Variants in UNC13C observed in about 807,000 individuals in gnomAD.
UNC13C encodes protein unc-13 homolog C.
A neutral mutation model predicts 245.4 loss-of-function variants in UNC13C; 174 were observed. That is an observed-to-expected ratio of 0.71 (90% CI 0.63 to 0.80). The LOEUF (loss-of-function observed/expected upper bound fraction) is 0.80. Ranked by LOEUF, UNC13C falls within the 30% of genes least tolerant of loss-of-function variation. UNC13C has a pLI of 0.00. For synonymous variants in UNC13C, 992 were observed against 895.1 expected (o/e 1.11, Z -1.93); for missense variants, 2,829 against 2,602.9 (o/e 1.09, Z -1.89).
At chr15:53,848,922 T>C in the UNC13C span, among the ~76,000 whole-genome samples, 1 of 152,066 alleles carries the variant, frequency 6.6e-6, no homozygotes, top group Non-Finnish European at 1.5e-5. Context: ...TTCTTGTTAT[T>C]AAGACTCTCT....
At chr15:54,332,518 C>T (rs1228654646) in intron 15 of UNC13C, among the ~76,000 whole-genome samples, 2 of 151,970 alleles carry the variant, frequency 1.3e-5, no homozygotes, top group African/African-American at 2.4e-5. Context: ...TAATTTACTG[C>T]TTCATTCTCT....
intron 4 of UNC13C, among the ~76,000 whole-genome samples, chr15:54,163,210 G>A (rs2033041987): frequency 6.6e-6 from 1 of 152,182 alleles, no homozygotes; most frequent in African/African-American, 2.4e-5. Context: ...CAGTTTCAGA[G>A]AAGATGTGAT....
At chr15:53,997,839 G>A (rs1167384098) in intron 1 of UNC13C, among the ~76,000 whole-genome samples, 1 of 151,816 alleles carries the variant, frequency 6.6e-6, no homozygotes, top group Non-Finnish European at 1.5e-5. Context: ...ATCTCACTCT[G>A]TTGCCCAGGC....
At chr15:53,883,371 C>T in the UNC13C span, among the ~76,000 whole-genome samples, 147,735 of 152,274 alleles carry the variant, frequency 0.97, 71,801 homozygotes, top group Middle Eastern at 1. Context: ...GTATCAGCCA[C>T]AGCCCTGGAA....
the UNC13C span, among the ~76,000 whole-genome samples, chr15:53,841,645 G>A: frequency 6.6e-6 from 1 of 152,154 alleles, no homozygotes; most frequent in African/African-American, 2.4e-5. Context: ...GGTAGCTGAG[G>A]AATAGAAAGT....
intron 2 of UNC13C, among the ~76,000 whole-genome samples, chr15:54,061,024 G>A (rs1048484235): frequency 6.6e-6 from 1 of 152,082 alleles, no homozygotes. Context: ...GCTAAATGAC[G>A]AGTTAATGGG....
At chr15:54,064,598 G>A (rs911683095) in intron 2 of UNC13C, among the ~76,000 whole-genome samples, 11 of 152,140 alleles carry the variant, frequency 7.2e-5, no homozygotes, top group Non-Finnish European at 1.6e-4. Flanking sequence ...TAATTAAATG[G>A]ACATATTCCA....
Position 54,195,024 on chromosome 15 carries a change from A to AT in UNC13C, c.3072-40004dup, listed in dbSNP as rs140360465. The stretch of plus-strand genomic sequence containing the variant: ...CCTCCTGGCATTCCACGAATAGAAT[A>AT]TTGAGTTGGGTTAGCTTTTCAGGAT... On this transcript the variant is annotated intron_variant, in intron 4 of 32. Transcript: ENST00000260323. Among the ~76,000 whole-genome samples, 1,569 of 152,240 alleles carry AT rather than the reference A, an allele frequency of 0.01. 62 individuals are homozygous for AT. In the East Asian group the frequency reaches 0.11, roughly 10 times the overall value.
At chr15:54,243,967 A>C (rs901062036) in intron 7 of UNC13C, among the ~76,000 whole-genome samples, 3 of 152,140 alleles carry the variant, frequency 2.0e-5, no homozygotes, top group Non-Finnish European at 4.4e-5. Flanking sequence ...GCTGCATAGA[A>C]GCTATTTAGT....
chr15:54,030,586 ATCC>A (rs1294902128), intron 2 of UNC13C, among the ~76,000 whole-genome samples: 2 of 152,200 alleles, frequency 1.3e-5, no homozygotes, highest in African/African-American at 4.8e-5. Context: ...GGCTTCCATC[ATCC>A]TCTTCTTACC....
chr15:54,412,099 G>A (rs112439487), intron 18 of UNC13C, among the ~76,000 whole-genome samples: 4 of 152,082 alleles, frequency 2.6e-5, no homozygotes, highest in African/African-American at 7.2e-5. Flanking sequence ...CCAGCTACTC[G>A]GGAGGCTGAG....
At chr15:54,355,613 C>T (rs1045248441) in intron 17 of UNC13C, among the ~76,000 whole-genome samples, 1 of 152,138 alleles carries the variant, frequency 6.6e-6, no homozygotes, top group Middle Eastern at 3.2e-3. Flanking sequence ...CCACTTCGGC[C>T]TCCCAAAGTG....
chr15:54,433,549 ACT>A (rs1178396106), intron 19 of UNC13C, among the ~76,000 whole-genome samples: 22 of 151,940 alleles, frequency 1.4e-4, no homozygotes, highest in Middle Eastern at 3.2e-3. Context: ...CATGCTAAAA[ACT>A]CTCAATAAAC....
chr15:54,420,335 C>G (rs2040613427), intron 19 of UNC13C, among the ~76,000 whole-genome samples: 1 of 152,174 alleles, frequency 6.6e-6, no homozygotes, highest in African/African-American at 2.4e-5. Flanking sequence ...ATGGACCTCT[C>G]CACAAACTCC....
chr15:53,847,951 T>G, the UNC13C span, among the ~76,000 whole-genome samples: 1 of 152,194 alleles, frequency 6.6e-6, no homozygotes, highest in Admixed American at 6.6e-5. Flanking sequence ...TGACATAATT[T>G]ATTGAGGATG....
At chr15:53,924,590 A>G in the UNC13C span, among the ~76,000 whole-genome samples, 1 of 152,224 alleles carries the variant, frequency 6.6e-6, no homozygotes, top group Non-Finnish European at 1.5e-5. Flanking sequence ...TGTAATAACA[A>G]CAATGCTGAT....
At chr15:54,445,631 G>C (rs1395561987) in intron 19 of UNC13C, among the ~76,000 whole-genome samples, 1 of 152,090 alleles carries the variant, frequency 6.6e-6, no homozygotes, top group Non-Finnish European at 1.5e-5. Flanking sequence ...CTGCCCAGTT[G>C]TTGATGGGGT....
At chr15:53,967,128 G>T in the UNC13C span, among the ~76,000 whole-genome samples, 13 of 151,540 alleles carry the variant, frequency 8.6e-5, no homozygotes, top group African/African-American at 3.2e-4. Context: ...TAAACATTTT[G>T]AACTTATATG....
chr15:53,993,236 G>T (rs1894470210), intron 1 of UNC13C, among the ~76,000 whole-genome samples: 1 of 152,104 alleles, frequency 6.6e-6, no homozygotes, highest in Non-Finnish European at 1.5e-5. Flanking sequence ...CAATGCATTT[G>T]CAATAGAGTC....
Sources: allele counts gnomAD v4.1 joint callset (sites outside exome capture counted in the v4.1 genomes callset), GRCh38; gene constraint gnomAD v4.1.1; transcripts MANE v1.5; gene names NCBI Gene and HGNC (gene_info 2026-07-23, HGNC 2026-07-21).